The following RETREG3 variants were observed in gnomAD, a reference collection of about 807,000 sequenced individuals.
The protein encoded by RETREG3 is reticulophagy regulator family member 3, also known as reticulophagy regulator 3.
Under a neutral mutation model 50.2 loss-of-function variants are expected in RETREG3, and 23 were observed. The observed-to-expected ratio is 0.46, with a 90% CI of 0.33 to 0.65. The LOEUF (loss-of-function observed/expected upper bound fraction) is 0.65. Ranked by LOEUF, RETREG3 falls within the 30% of genes least tolerant of loss-of-function variation. The probability of loss-of-function intolerance (pLI) is 0.02; values close to 1 mark genes in which losing one functional copy is unlikely to be tolerated. For synonymous variants in RETREG3, 240 were observed against 234.4 expected, an observed-to-expected ratio of 1.02 and a Z score of -0.22; for missense variants, 546 against 598.0, an observed-to-expected ratio of 0.91 and a Z score of 0.91.
At chr17:42,585,350 G>T (rs1283816399) in intron 5 of RETREG3, 88 bp from the exon 6 acceptor site, 1 of 1,532,108 alleles carries the variant, frequency 6.5e-7, no homozygotes, top group Non-Finnish European at 8.8e-7. Flanking sequence ...GGTCCTTAGG[G>T]CTTGGACACA....
At position 42,582,039 on chromosome 17, in the gene RETREG3, T is replaced by G. The variant is rs758182417; in HGVS notation, c.1175A>C (p.Asn392Thr). Reference sequence around the variant, plus strand: ...CAGGCTGGCAAGGTTGCTGGTGAGGTTGGATCCTACAGGAAGAGCACCAAG... The same window carrying G: ...CAGGCTGGCAAGGTTGCTGGTGAGGGTGGATCCTACAGGAAGAGCACCAAG... ...LLLGALPVGSNLTSNLASLVS... is the reference protein window; with the variant it reads ...LLLGALPVGSTLTSNLASLVS... Residue 392 changes from asparagine to threonine, a missense_variant, in exon 9 of 9, where the codon AAC becomes ACC. Coordinates refer to ENST00000309428, the MANE Select transcript of RETREG3 (RefSeq NM_178126.4). 2 of 1,613,882 alleles carry G rather than the reference T, an allele frequency of 1.2e-6. No homozygotes were observed. The highest frequency in any genetic ancestry group is 1.7e-6 in the Non-Finnish European group (2 of 1,179,966).
rs567245076 is a variant in RETREG3 at position 42,581,161 on chromosome 17, G to C, written c.*652C>G. ...TCAGCTCACTTGAGGTCAGGAGTTTGAGACCAGCCTGGCCAACATGGTGAA... is the reference window on the plus strand; with the variant it reads ...TCAGCTCACTTGAGGTCAGGAGTTTCAGACCAGCCTGGCCAACATGGTGAA... On this transcript the variant is annotated 3_prime_UTR_variant, in exon 9 of 9. Transcript: ENST00000309428. 1 of 151,106 alleles carries C rather than the reference G, an allele frequency of 6.6e-6. No individual in the cohort carries two copies. Among genetic ancestry groups the C allele is most frequent in the Non-Finnish European group, 1.5e-5 (1 of 67,778 alleles). 9.4% of individuals were successfully genotyped at this position (151,106 alleles called of 1,614,324 possible).
At chr17:42,582,636 C>T (rs1360064920) in intron 8 of RETREG3, 38 bp downstream of exon 8, 2 of 1,612,582 alleles carry the variant, frequency 1.2e-6, no homozygotes, top group East Asian at 2.2e-5. Flanking sequence ...AGGCAACAGT[C>T]AGAGCCATTA....
At position 42,606,954 on chromosome 17, in the gene RETREG3, GC is replaced by G. The variant is rs1447119240; in HGVS notation, c.239+2131del. On this transcript the variant is annotated intron_variant, in intron 1 of 8. Transcript: ENST00000309428. Reference sequence around the variant, plus strand: ...GGAGGTTGTAGTGAGCTGAGATCGTGCCATTGCACTCCAGCCTGGGCAACAA... The same window carrying G: ...GGAGGTTGTAGTGAGCTGAGATCGTGCATTGCACTCCAGCCTGGGCAACAA... Among the ~76,000 whole-genome samples the G allele has an allele frequency of 2.0e-5, 3 of 152,246 alleles. No individual in the cohort carries two copies. In the East Asian group the frequency reaches 5.8e-4, roughly 30 times the overall value.
At chr17:42,590,917 A>C (rs542439819) in intron 2 of RETREG3, among the ~76,000 whole-genome samples, 2 of 152,274 alleles carry the variant, frequency 1.3e-5, no homozygotes, top group African/African-American at 4.8e-5. Flanking sequence ...CAGTGAGCCA[A>C]GATCATGCCA....
chr17:42,598,293 G>A (rs1430718618), intron 1 of RETREG3, among the ~76,000 whole-genome samples: 1 of 151,908 alleles, frequency 6.6e-6, no homozygotes, highest in African/African-American at 2.4e-5. Context: ...TTCCTCTGAA[G>A]TTATTATTGT....
chr17:42,592,894 C>T (rs754769267), intron 1 of RETREG3, among the ~76,000 whole-genome samples: 2 of 151,926 alleles, frequency 1.3e-5, no homozygotes, highest in Non-Finnish European at 2.9e-5. Context: ...GGCTGAAGCA[C>T]GAGAATTGCT....
At position 42,581,964 on chromosome 17, in the gene RETREG3, C is replaced by T. The variant is rs769990393; in HGVS notation, c.1250G>A (p.Gly417Asp). Residue 417 changes from glycine to aspartate, a missense_variant, in exon 9 of 9, where the codon GGC becomes GAC. By Grantham distance (94) the Gly-to-Asp change is moderately conservative. Coordinates refer to ENST00000309428, the MANE Select transcript of RETREG3 (RefSeq NM_178126.4). ...TCTCTGGGCAGGTGCTCCAGAAGGG[C>T]CTGGTTGGGAGGCCCCTGACAAGGC... Reference protein sequence around the residue: ...QLALSGASQPGPSGAPAQRAT... With the variant: ...QLALSGASQPDPSGAPAQRAT... 1 of 1,614,062 alleles carries T rather than the reference C, an allele frequency of 6.2e-7. No homozygotes were observed. The highest frequency in any genetic ancestry group is 1.1e-5 in the South Asian group (1 of 91,080).
rs552720553 is a variant in RETREG3, at chr17:42,586,873, A to T, written c.396T>A (p.Pro132=). ...AGAGCTCGGGCACGCTGAGCAACCG[A>T]GGGTGCACAAAGCCCCAGCTATGGG... ...LDNESWGFVH[P]RLLSVPELCH... Residue 132 remains proline (P), a synonymous_variant, in exon 4 of 9, where the codon CCT becomes CCA. Coordinates refer to ENST00000309428, the MANE Select transcript of RETREG3 (RefSeq NM_178126.4). 1.2e-6 allele frequency: 2 copies of T among 1,614,032 alleles called. No individual in the cohort carries two copies. Among genetic ancestry groups the T allele is most frequent in the Non-Finnish European group, 8.5e-7 (1 of 1,179,996 alleles).
At chr17:42,582,569 G>T in intron 8 of RETREG3, 105 bp downstream of exon 8, 1 of 1,521,324 alleles carries the variant, frequency 6.6e-7, no homozygotes, top group Non-Finnish European at 8.9e-7. Flanking sequence ...CTGATCCATA[G>T]CTCAGAAAAC....
intron 1 of RETREG3, among the ~76,000 whole-genome samples, chr17:42,597,596 T>C (rs1391616682): frequency 9.3e-4 from 2 of 2,152 alleles, no homozygotes; most frequent in Non-Finnish European, 2.8e-3. Flanking sequence ...TATATATATA[T>C]ATATATATAT....
intron 7 of RETREG3, among the ~76,000 whole-genome samples, 172 bp downstream of exon 7, chr17:42,583,326 T>C (rs2093114061): frequency 6.6e-6 from 1 of 152,084 alleles, no homozygotes; most frequent in African/African-American, 2.4e-5. Flanking sequence ...AGGAATGATA[T>C]GATAAAGAAA....
In RETREG3 at chr17:42,582,717, G is replaced by GA; in HGVS notation, c.899dup (p.Asn301GlnfsTer14). ...GAGGTGTTTGGCCCCTTGAAAGATT[G>GA]AATGTGCCATTGTCTGTACAGGAGA... On this transcript the variant is annotated frameshift_variant, in exon 8 of 9. Coordinates refer to ENST00000309428, the MANE Select transcript of RETREG3 (RefSeq NM_178126.4). LOFTEE classifies it high-confidence loss of function. The GA allele has an allele frequency of 6.2e-7, 1 of 1,614,246 alleles. No homozygotes were observed. The highest frequency in any genetic ancestry group is 8.5e-7 in the Non-Finnish European group (1 of 1,180,042).
chr17:42,586,424 G>GT, intron 4 of RETREG3: 1 of 420,876 alleles, frequency 2.4e-6, no homozygotes. Flanking sequence ...GTTGGTGGTG[G>GT]TTTTTTAAGT....
intron 2 of RETREG3, 120 bp from the exon 3 acceptor site, chr17:42,587,984 C>T (rs921822395): frequency 9.8e-6 from 11 of 1,124,116 alleles, no homozygotes; most frequent in African/African-American, 4.7e-5. Flanking sequence ...CAGTAATAGC[C>T]GATAAAAAAG....
chr17:42,584,129 T>A (rs963249027), intron 6 of RETREG3, among the ~76,000 whole-genome samples: 13 of 152,174 alleles, frequency 8.5e-5, no homozygotes, highest in African/African-American at 3.1e-4. Context: ...TCTATTCTGG[T>A]CAGATGATCA....
At chr17:42,597,603 A>T (rs374289400) in intron 1 of RETREG3, among the ~76,000 whole-genome samples, 1,692 of 14,396 alleles carry the variant, frequency 0.12, 126 homozygotes, top group East Asian at 0.19. Flanking sequence ...ATATATATAT[A>T]TATATATATA....
chr17:42,583,214 G>C (rs2093113769), intron 7 of RETREG3, among the ~76,000 whole-genome samples: 1 of 152,146 alleles, frequency 6.6e-6, no homozygotes, highest in African/African-American at 2.4e-5. Flanking sequence ...TTTAAAAGAT[G>C]ATCATACTAG....
intron 1 of RETREG3, among the ~76,000 whole-genome samples, chr17:42,593,076 C>A (rs1241786996): frequency 6.6e-6 from 1 of 152,162 alleles, no homozygotes; most frequent in East Asian, 1.9e-4. Flanking sequence ...GGAAACACTT[C>A]TTGATTTATT....
Sources: gnomAD v4.1 joint callset for allele counts (sites outside exome capture counted in the v4.1 genomes callset) on GRCh38, gnomAD v4.1.1 for gene constraint, MANE v1.5 for transcripts, NCBI Gene and HGNC (gene_info 2026-07-23, HGNC 2026-07-21) for gene names.